Variants in TEK observed in about 807,000 individuals in gnomAD.
TEK encodes the protein angiopoietin-1 receptor.
In TEK, 43 loss-of-function variants were observed where a neutral mutation model predicts 131.8. The ratio of observed to expected loss-of-function variants is 0.33; its 90% CI spans 0.26 to 0.42. The LOEUF (loss-of-function observed/expected upper bound fraction) is 0.42, where lower values mean the gene tolerates loss of function less well. Among genes scored for constraint, TEK ranks in the 10% least tolerant of loss-of-function variants. The probability of loss-of-function intolerance (pLI) is 1.00; values close to 1 mark genes in which losing one functional copy is unlikely to be tolerated. For missense variants in TEK, 1,162 were observed against 1,384.4 expected (o/e 0.84, Z 2.55); for synonymous variants, 580 against 491.6 (o/e 1.18, Z -2.38).
chr9:27,203,415 T>C (rs1037509969), intron 13 of TEK, among the ~76,000 whole-genome samples: 1 of 152,218 alleles, frequency 6.6e-6, no homozygotes, highest in Non-Finnish European at 1.5e-5. Context: ...ATGTGGGAGC[T>C]GCTTATAGAA....
intron 1 of TEK, among the ~76,000 whole-genome samples, chr9:27,146,018 G>T (rs1424300117): frequency 6.6e-6 from 1 of 152,154 alleles, no homozygotes; most frequent in African/African-American, 2.4e-5. Context: ...AGGTAACACT[G>T]TTATCAGGTT....
chr9:27,209,363 G>A (rs1437474890), intron 16 of TEK, 132 bp downstream of exon 16: 4 of 727,504 alleles, frequency 5.5e-6, no homozygotes, highest in Non-Finnish European at 9.7e-6. Context: ...CTATCTGAAT[G>A]TCTGTCTAGT....
At chr9:27,192,720 T>TGG in intron 11 of TEK, 97 bp downstream of exon 11, 2 of 132,870 alleles carry the variant, frequency 1.5e-5, no homozygotes, top group Admixed American at 1.1e-4. Context: ...GGTGGGTGAG[T>TGG]GGGTGGGTGG....
At chr9:27,190,392 G>C in intron 9 of TEK, 137 bp from the exon 10 acceptor site, 1 of 964,404 alleles carries the variant, frequency 1.0e-6, no homozygotes, top group East Asian at 2.4e-5. Flanking sequence ...TAGAGAGCAG[G>C]TGATCTCACT....
At chr9:27,155,227 T>C (rs1823286961) in intron 1 of TEK, among the ~76,000 whole-genome samples, 1 of 152,214 alleles carries the variant, frequency 6.6e-6, no homozygotes, top group African/African-American at 2.4e-5. Flanking sequence ...AGGTGTGTGC[T>C]GGTGTTATTT....
At chr9:27,137,961 TTC>T (rs1822553868) in intron 1 of TEK, among the ~76,000 whole-genome samples, 4 of 151,950 alleles carry the variant, frequency 2.6e-5, no homozygotes, top group African/African-American at 9.7e-5. Context: ...TGTCTGGAGT[TTC>T]TTCCTTCCAG....
At chr9:27,189,814 C>T (rs533484847) in intron 9 of TEK, among the ~76,000 whole-genome samples, 1 of 152,102 alleles carries the variant, frequency 6.6e-6, no homozygotes, top group East Asian at 1.9e-4. Flanking sequence ...TGACTTCTGA[C>T]TTCTAGAACT....
chr9:27,203,905 C>T (rs1174702658), intron 13 of TEK, among the ~76,000 whole-genome samples: 2 of 152,142 alleles, frequency 1.3e-5, no homozygotes, highest in African/African-American at 4.8e-5. Flanking sequence ...GGAGGATTAC[C>T]TAGACCTTAA....
intron 19 of TEK, among the ~76,000 whole-genome samples, chr9:27,218,371 T>C (rs1462300065): frequency 6.6e-6 from 1 of 152,062 alleles, no homozygotes; most frequent in Non-Finnish European, 1.5e-5. Flanking sequence ...CTGCATAATT[T>C]TGAGGCAGGG....
At chr9:27,187,338 C>T (rs1824635916) in intron 9 of TEK, among the ~76,000 whole-genome samples, 1 of 152,172 alleles carries the variant, frequency 6.6e-6, no homozygotes, top group Non-Finnish European at 1.5e-5. Flanking sequence ...AAAACAGATA[C>T]TAGGCTTTAA....
chr9:27,125,780 C>T (rs1470661926), intron 1 of TEK, among the ~76,000 whole-genome samples: 2 of 152,118 alleles, frequency 1.3e-5, no homozygotes, highest in Non-Finnish European at 2.9e-5. Context: ...TCTCCCTGTG[C>T]TACTAGGGTA....
intron 6 of TEK, among the ~76,000 whole-genome samples, chr9:27,173,723 GTTTTTTTTTTTTGGTT>G (rs1462410992): frequency 4.3e-5 from 4 of 92,080 alleles, no homozygotes; most frequent in Middle Eastern, 6.0e-3. Context: ...TAGAAGACTT[GTTTTTTTTTTTTGGTT>G]TTTTTTTTTT....
intron 1 of TEK, among the ~76,000 whole-genome samples, chr9:27,145,730 C>T (rs1587513977): frequency 6.6e-6 from 1 of 152,282 alleles, no homozygotes; most frequent in East Asian, 1.9e-4. Context: ...TCAACTCATA[C>T]ATATTTAAAA....
intron 3 of TEK, among the ~76,000 whole-genome samples, chr9:27,168,821 A>G (rs1194425492): frequency 1.3e-5 from 2 of 152,214 alleles, no homozygotes; most frequent in Non-Finnish European, 2.9e-5. Flanking sequence ...ATATGAATGT[A>G]CATGGTGTAT....
At chr9:27,200,448 T>C (rs965194127) in intron 12 of TEK, among the ~76,000 whole-genome samples, 1 of 152,152 alleles carries the variant, frequency 6.6e-6, no homozygotes, top group African/African-American at 2.4e-5. Flanking sequence ...TGGATGATTG[T>C]ATGAAGTTTG....
intron 17 of TEK, 117 bp downstream of exon 17, chr9:27,213,014 C>T (rs1054686982): frequency 2.6e-6 from 3 of 1,140,214 alleles, no homozygotes; most frequent in Non-Finnish European, 3.8e-6. Flanking sequence ...TTAAAATCTC[C>T]CTCATTTTAA....
rs12337860 is a variant in TEK at position 27,132,607 on chromosome 9, T to C, written c.52+22965T>C. On this transcript the variant is annotated intron_variant, in intron 1 of 22. Transcript: ENST00000380036. ...AGTGAGAAATGTTTCTTTCATAGTA[T>C]TCAGTTGATTTTTAAAGTTTGGGAA... Among the ~76,000 whole-genome samples the C allele has an allele frequency of 7.2e-5, 11 of 152,208 alleles. No individual in the cohort carries two copies. In the East Asian group the frequency reaches 9.6e-4, roughly 13 times the overall value.
At chr9:27,226,870 C>A (rs1826351860) in intron 21 of TEK, among the ~76,000 whole-genome samples, 1 of 152,076 alleles carries the variant, frequency 6.6e-6, no homozygotes. Context: ...AGCTAACTGG[C>A]ATGTTTGAAG....
rs111621529 is a variant in TEK, at chr9:27,137,848, C to T, written c.53-19983C>T. Among the ~76,000 whole-genome samples, 837 of 152,126 alleles carry T rather than the reference C, an allele frequency of 5.5e-3. 8 individuals carry two copies. Among genetic ancestry groups the T allele is most frequent in the African/African-American group, 0.019 (787 of 41,468 alleles). On this transcript the variant is annotated intron_variant, in intron 1 of 22. Coordinates refer to ENST00000380036, the MANE Select transcript of TEK (RefSeq NM_000459.5). ...CTGGTTGTATTAGTTCTTTTGTGTC[C>T]GGAATTTATTCATTCCGGTGGGTTC...
Sources: gnomAD v4.1 joint callset for allele counts (sites outside exome capture counted in the v4.1 genomes callset) on GRCh38, gnomAD v4.1.1 for gene constraint, MANE v1.5 for transcripts, NCBI Gene and HGNC (gene_info 2026-07-23, HGNC 2026-07-21) for gene names.